The following TRAPPC10 variants were observed in gnomAD, a reference collection of about 807,000 sequenced individuals.
TRAPPC10 encodes the protein TRAPP 130 kDa subunit.
Under a neutral mutation model 125.5 loss-of-function variants are expected in TRAPPC10, and 23 were observed. The ratio of observed to expected loss-of-function variants is 0.18; its 90% CI spans 0.13 to 0.26. TRAPPC10 has a LOEUF of 0.26. Among genes scored for constraint, TRAPPC10 ranks in the 10% least tolerant of loss-of-function variants. The pLI is 1.00. For synonymous variants in TRAPPC10, 509 were observed against 518.0 expected (o/e 0.98, Z 0.24); for missense variants, 1,123 against 1,308.4 (o/e 0.86, Z 2.19).
chr21:44,048,187 C>T (rs1487244485), intron 3 of TRAPPC10, among the ~76,000 whole-genome samples: 2 of 152,164 alleles, frequency 1.3e-5, no homozygotes, highest in Non-Finnish European at 2.9e-5. Flanking sequence ...TACTCGAGGG[C>T]CCTGTGCCGG....
chr21:44,087,028 T>A lies in TRAPPC10; in HGVS notation c.2539+68T>A. On this transcript the variant is annotated intron_variant, in intron 16 of 22. Transcript: ENST00000291574. This position sits in a 1 kb window ranked among gnomAD's most constrained non-coding sequence, Gnocchi z 4.6. ...GCCCTGCACTGTGTGGGTGTGAGGG[T>A]GAGCCTGGCCTTGCTGCCATCCTGC... 2.6e-6 allele frequency: 4 copies of A among 1,565,058 alleles called. No individual in the cohort carries two copies. The South Asian group carries it at 4.6e-5, about 18-fold the overall frequency.
rs770526510 is a variant in TRAPPC10, at chr21:44,063,876, G to A, written c.1038+91G>A. The A allele has an allele frequency of 1.5e-5, 23 of 1,498,180 alleles. No individual in the cohort carries two copies. Among genetic ancestry groups the A allele is most frequent in the Non-Finnish European group, 1.8e-5 (20 of 1,124,418 alleles). The allele number at this position is 1,498,180 out of a possible 1,614,324, so 92.8% of individuals were successfully genotyped here. On this transcript the variant is annotated intron_variant, in intron 7 of 22. Transcript: ENST00000291574. This position sits in a 1 kb window ranked among gnomAD's most constrained non-coding sequence, Gnocchi z 4.4. ...AGATCCCAGGCATTGAACTGTTTGT[G>A]CTTAAGAAAGGGTTTTCTTTTCTGA...
At chr21:44,015,092 T>C (rs1055987271) in intron 1 of TRAPPC10, among the ~76,000 whole-genome samples, 12 of 152,230 alleles carry the variant, frequency 7.9e-5, no homozygotes, top group Non-Finnish European at 1.6e-4. Flanking sequence ...ATTATGTACA[T>C]AGTTCTCTTA....
At chr21:44,049,160 C>T (rs140852916) in intron 3 of TRAPPC10, among the ~76,000 whole-genome samples, 1 of 152,072 alleles carries the variant, frequency 6.6e-6, no homozygotes, top group Non-Finnish European at 1.5e-5. Context: ...CTAGAGAACA[C>T]GTGTGTACAC....
Position 44,058,256 on chromosome 21 carries a change from G to A in TRAPPC10, c.679-847G>A, listed in dbSNP as rs537332975. Among the ~76,000 whole-genome samples, 14 of 152,302 alleles carry A rather than the reference G, an allele frequency of 9.2e-5. 1 individual carries two copies. In the South Asian group the frequency reaches 2.5e-3, roughly 27 times the overall value. On this transcript the variant is annotated intron_variant, in intron 5 of 22. Coordinates refer to ENST00000291574, the MANE Select transcript of TRAPPC10 (RefSeq NM_003274.5). ...GGAGTTTGGAGAGCAAGCCATGTGG[G>A]TGTATAGAGGAAGAGGAGGTGTTCC...
Position 44,065,981 on chromosome 21 carries a change from T to C in TRAPPC10, c.1038+2196T>C, listed in dbSNP as rs534533174. ...TCCCAAAGTGCTGGGATTACAGGTC[T>C]GAGCTGCCCGTGGCTGTGTTTTTCT... On this transcript the variant is annotated intron_variant, in intron 7 of 22. Transcript: ENST00000291574. Among the ~76,000 whole-genome samples the C allele has an allele frequency of 6.9e-4, 105 of 152,340 alleles. 1 individual carries two copies. The highest frequency in any genetic ancestry group is 2.3e-3 in the African/African-American group (97 of 41,576).
At chr21:44,073,767 C>CT (rs911328374) in intron 7 of TRAPPC10, among the ~76,000 whole-genome samples, 1 of 152,164 alleles carries the variant, frequency 6.6e-6, no homozygotes, top group African/African-American at 2.4e-5. Context: ...CATAAATATA[C>CT]TGTCTTTATC....
At chr21:44,017,611 T>G (rs143971746) in intron 1 of TRAPPC10, among the ~76,000 whole-genome samples, 19 of 152,300 alleles carry the variant, frequency 1.2e-4, no homozygotes, top group Admixed American at 8.5e-4. Flanking sequence ...ATATATAAGT[T>G]GGAAGAAAAA....
chr21:44,016,174 G>C (rs964943313), intron 1 of TRAPPC10, among the ~76,000 whole-genome samples: 2 of 152,154 alleles, frequency 1.3e-5, no homozygotes, highest in African/African-American at 4.8e-5. Flanking sequence ...AAAAATGCCT[G>C]GCGTAACTGA....
intron 3 of TRAPPC10, among the ~76,000 whole-genome samples, chr21:44,051,688 G>A (rs546580629): frequency 1.1e-4 from 17 of 152,336 alleles, no homozygotes; most frequent in Admixed American, 7.2e-4. Flanking sequence ...GCTGCAGGTC[G>A]CCTTCTTTCT....
At chr21:44,023,221 A>G (rs1343754069) in intron 1 of TRAPPC10, among the ~76,000 whole-genome samples, 2 of 151,110 alleles carry the variant, frequency 1.3e-5, no homozygotes, top group African/African-American at 2.4e-5. Context: ...TTTAGTAGAG[A>G]TGGGGTTTCA....
At chr21:44,079,534 A>G in intron 11 of TRAPPC10, 30 bp from the exon 12 acceptor site, 4 of 1,577,662 alleles carry the variant, frequency 2.5e-6, no homozygotes, top group Non-Finnish European at 3.4e-6. Flanking sequence ...CCTAGCTGTA[A>G]TGAAAGCTAC....
intron 5 of TRAPPC10, among the ~76,000 whole-genome samples, chr21:44,056,380 C>T (rs8133422): frequency 0.34 from 51,181 of 151,872 alleles, 11,270 homozygotes; most frequent in African/African-American, 0.63. Flanking sequence ...GGGTGGTGGG[C>T]AAAGGCCTGA....
At chr21:44,053,286 CT>C (rs59158620) in intron 4 of TRAPPC10, among the ~76,000 whole-genome samples, 4 of 152,064 alleles carry the variant, frequency 2.6e-5, no homozygotes, top group Admixed American at 6.5e-5. Context: ...TGTTCTGAGA[CT>C]TTTTTTCTTT....
At chr21:44,057,271 C>T (rs1208672914) in intron 5 of TRAPPC10, among the ~76,000 whole-genome samples, 2 of 151,900 alleles carry the variant, frequency 1.3e-5, no homozygotes, top group Non-Finnish European at 2.9e-5. Context: ...GTGCATTTAA[C>T]ACTACTGAGC....
intron 3 of TRAPPC10, among the ~76,000 whole-genome samples, chr21:44,047,534 G>A (rs1218654585): frequency 1.1e-5 from 1 of 88,340 alleles, no homozygotes; most frequent in South Asian, 3.0e-4. Context: ...GGGGGAGTAT[G>A]TGTGTGTGTG....
chr21:44,082,333 G>A lies in TRAPPC10; in HGVS notation c.1724-455G>A, dbSNP rs540884538. 9.2e-5 allele frequency among the ~76,000 whole-genome samples: 14 copies of A among 152,160 alleles called. No homozygotes were observed. Among genetic ancestry groups the A allele is most frequent in the Non-Finnish European group, 1.9e-4 (13 of 68,034 alleles). ...GGGCACAGAGGGGTCCTGCTTAATC[G>A]GCTGACTTTGTAGACTGGCAGACAC... On this transcript the variant is annotated intron_variant, in intron 13 of 22. Transcript: ENST00000291574. The surrounding 1 kb of genome is among the most constrained non-coding windows in gnomAD (Gnocchi z 4.4).
At chr21:44,066,606 T>C (rs1383311114) in intron 7 of TRAPPC10, among the ~76,000 whole-genome samples, 1 of 152,222 alleles carries the variant, frequency 6.6e-6, no homozygotes, top group Non-Finnish European at 1.5e-5. Context: ...CAGACAAATA[T>C]ACGAAGAAAA....
intron 3 of TRAPPC10, among the ~76,000 whole-genome samples, chr21:44,041,542 A>C: frequency 6.6e-6 from 1 of 150,864 alleles, no homozygotes; most frequent in African/African-American, 2.4e-5. Flanking sequence ...ACGCCCTGCT[A>C]ATTTTGTAGT....
Sources: gnomAD v4.1 joint callset for allele counts (sites outside exome capture counted in the v4.1 genomes callset) on GRCh38, gnomAD v4.1.1 for gene constraint, Gnocchi (gnomAD v3.1) non-coding constraint, MANE v1.5 for transcripts, NCBI Gene and HGNC (gene_info 2026-07-23, HGNC 2026-07-21) for gene names.